Variants in ZNF518A observed in about 807,000 individuals in gnomAD.
ZNF518A encodes the protein zinc finger protein 518A, also known as zinc finger protein 518.
ZNF518A carries 47 observed loss-of-function variants against 102.7 expected under a neutral mutation model. The ratio of observed to expected loss-of-function variants is 0.46; its 90% CI spans 0.36 to 0.58. ZNF518A has a LOEUF of 0.58. Among genes scored for constraint, ZNF518A ranks in the 20% least tolerant of loss-of-function variants. The pLI, the probability that ZNF518A is intolerant of heterozygous loss-of-function variation, is 0.00. For synonymous variants in ZNF518A, 652 were observed against 594.6 expected (o/e 1.10, Z -1.40); for missense variants, 1,793 against 1,699.8 (o/e 1.05, Z -0.96).
intron 3 of ZNF518A, among the ~76,000 whole-genome samples, chr10:96,154,455 CTTCTT>C (rs1436741050): frequency 2.0e-5 from 3 of 147,758 alleles, no homozygotes; most frequent in Admixed American, 6.8e-5. Flanking sequence ...TCCTTCCTGC[CTTCTT>C]TTCTTTTTTT....
At chr10:96,135,416 A>T (rs2142324002) in intron 3 of ZNF518A, 1 of 152,368 alleles carries the variant, frequency 6.6e-6, no homozygotes, top group Non-Finnish European at 1.5e-5. Context: ...TGATGAATAT[A>T]TGGCCCTTAT....
At chr10:96,197,928 A>G (rs1271764903) in intron 1 of ZNF518A, among the ~76,000 whole-genome samples, 3 of 151,130 alleles carry the variant, frequency 2.0e-5, no homozygotes, top group African/African-American at 7.3e-5. Flanking sequence ...AAAAAAAGAA[A>G]GAAAAAGAAA....
downstream of ZNF518A, among the ~76,000 whole-genome samples, chr10:96,167,952 T>A (rs2083151947): frequency 6.6e-6 from 1 of 152,262 alleles, no homozygotes; most frequent in South Asian, 2.1e-4. Flanking sequence ...TGTTTCAGAT[T>A]AATCTCAACT....
rs782466569 is a variant in ZNF518A, at chr10:96,157,999, G to C, written c.1677G>C (p.Leu559Phe). 91 of 1,613,624 alleles carry C rather than the reference G, an allele frequency of 5.6e-5. 1 individual carries two copies. The Admixed American group carries it at 1.4e-3, about 25-fold the overall frequency. ...CTTCTTTGTCAGCAACATCAGAATT[G>C]GTTACAGCATCAGTGAATTTGACCA... ...SVSSLSATSE[L>F]VTASVNLTTK... is the part of the protein sequence containing the mutation. Residue 559 changes from leucine (L) to phenylalanine (F), a missense_variant, in exon 6 of 6, where the codon TTG becomes TTC. Leu to Phe is a conservative substitution (Grantham distance 22). Transcript: ENST00000316045.
At chr10:96,135,496 A>G (rs1221194973) in intron 3 of ZNF518A, among the ~76,000 whole-genome samples, 1 of 152,226 alleles carries the variant, frequency 6.6e-6, no homozygotes, top group Non-Finnish European at 1.5e-5. Context: ...CCTATACCTT[A>G]TAAAGAGTTC....
At chr10:96,176,193 A>T (rs782273092) in intron 1 of ZNF518A, among the ~76,000 whole-genome samples, 14 of 152,032 alleles carry the variant, frequency 9.2e-5, no homozygotes, top group Non-Finnish European at 2.1e-4. Context: ...GGCTTCCCAA[A>T]GCAATGTTAT....
downstream of ZNF518A, among the ~76,000 whole-genome samples, chr10:96,164,754 A>G (rs1456224501): frequency 2.0e-5 from 3 of 152,252 alleles, no homozygotes; most frequent in Non-Finnish European, 2.9e-5. Flanking sequence ...TGAATTTAGG[A>G]GATGCCAAGA....
chr10:96,137,887 C>T (rs1008592351), intron 3 of ZNF518A, among the ~76,000 whole-genome samples: 1 of 152,144 alleles, frequency 6.6e-6, no homozygotes, highest in Non-Finnish European at 1.5e-5. Context: ...GTCAAATAGA[C>T]ATCTCAGATA....
intron 3 of ZNF518A, among the ~76,000 whole-genome samples, chr10:96,145,064 T>TTTGTTGTTGTTGTTG (rs56087328): frequency 0.6 from 90,281 of 150,586 alleles, 28,981 homozygotes; most frequent in Non-Finnish European, 0.71. Context: ...ACATGTATGT[T>TTTGTTGTTGTTGTTG]TTGTTGTTGT....
chr10:96,160,818 A>T lies in ZNF518A; in HGVS notation c.*44A>T. On this transcript the variant is annotated 3_prime_UTR_variant, in exon 6 of 6. Transcript: ENST00000316045. ...GAAAAGAAAAGTAAAATTACCTTAG[A>T]AGAAAACAACGGGTTCAGTTACCAT... The T allele has an allele frequency of 6.8e-7, 1 of 1,472,266 alleles. No homozygotes were observed. The highest frequency in any genetic ancestry group is 9.0e-7 in the Non-Finnish European group (1 of 1,114,008). The allele number at this position is 1,472,266 out of a possible 1,614,324, so 91.2% of individuals were successfully genotyped here.
Position 96,159,286 on chromosome 10 carries a change from A to G in ZNF518A, c.2964A>G (p.Glu988=). ...TAACACTTAATAATGGGAAACTTGA[A>G]GGTGTTTCCGCTGTCAAAACCGAGG... ...MVLTLNNGKL[E]GVSAVKTEGA... Residue 988 remains glutamate (E), a synonymous_variant, in exon 6 of 6, where the codon GAA becomes GAG. Coordinates refer to ENST00000316045, the MANE Select transcript of ZNF518A (RefSeq NM_001330736.2). The G allele has an allele frequency of 6.2e-7, 1 of 1,613,406 alleles. No individual in the cohort carries two copies. The highest frequency in any genetic ancestry group is 1.1e-5 in the South Asian group (1 of 90,926).
chr10:96,160,379 C>T lies in ZNF518A; in HGVS notation c.4057C>T (p.Pro1353Ser), dbSNP rs1303477277. The T allele has an allele frequency of 6.2e-7, 1 of 1,613,314 alleles. No homozygotes were observed. Residue 1353 changes from proline to serine, a missense_variant, in exon 6 of 6, where the codon CCT (proline) becomes TCT (serine). By Grantham distance (74) the Pro-to-Ser change is moderately conservative (BLOSUM62 -1). Around this residue, in one of 3 missense-constraint regions of ZNF518A, gnomAD observed 1,741 missense variants for 1,622.6 expected, o/e 1.07. Transcript: ENST00000316045. Reference sequence around the variant, plus strand: ...CCAACCAGTTGTAGTTTTGAATCATCCTGACGCAGATGCACCAGAAGTAGT... The same window carrying T: ...CCAACCAGTTGTAGTTTTGAATCATTCTGACGCAGATGCACCAGAAGTAGT... The part of the protein sequence containing the change: ...RNQPVVVLNH[P>S]DADAPEVVSV...
chr10:96,150,925 G>A (rs189124931), intron 3 of ZNF518A, among the ~76,000 whole-genome samples: 1 of 151,172 alleles, frequency 6.6e-6, no homozygotes, highest in Non-Finnish European at 1.5e-5. Flanking sequence ...ACTAATTTTT[G>A]TATTTTTAGT....
Position 96,179,846 on chromosome 10 carries a change from C to CTTT in ZNF518A, n.36-23726_36-23725insTTT, listed in dbSNP as rs781865591. Among the ~76,000 whole-genome samples the CTTT allele has an allele frequency of 3.4e-5, 5 of 149,196 alleles. No homozygotes were observed. In the East Asian group the frequency reaches 9.9e-4, roughly 30 times the overall value. ...TCTCCTTCTCCTCCTCCTCATCCTT[C>CTTT]TTCTTTTCTTCTTTTTTTCTTCTTC... On this transcript the variant is annotated intron_variant and non_coding_transcript_variant, in intron 1 of 2. Transcript: ENST00000442635.
intron 1 of ZNF518A, among the ~76,000 whole-genome samples, chr10:96,194,331 G>GT (rs1286507263): frequency 6.6e-6 from 1 of 152,162 alleles, no homozygotes; most frequent in Non-Finnish European, 1.5e-5. Flanking sequence ...AGATTCAAGA[G>GT]TTTTGCATTT....
In ZNF518A at chr10:96,162,714, A is replaced by T. The variant is rs2083045216; in HGVS notation, c.*1940A>T. On this transcript the variant is annotated 3_prime_UTR_variant, in exon 6 of 6. Transcript: ENST00000316045. ...TTTCTGTAATGAACATTTTCAATTA[A>T]ATTTATCTTGTTTGTGTTTACACAA... is the stretch of plus-strand genomic sequence containing the variant. The T allele has an allele frequency of 6.0e-6, 1 of 166,212 alleles. No homozygotes were observed. The highest frequency in any genetic ancestry group is 2.1e-4 in the South Asian group (1 of 4,826). The allele number at this position is 166,212 out of a possible 1,614,324, so 10.3% of individuals were successfully genotyped here.
At chr10:96,175,822 C>T (rs1412025716) in intron 1 of ZNF518A, among the ~76,000 whole-genome samples, 2 of 152,128 alleles carry the variant, frequency 1.3e-5, no homozygotes, top group Non-Finnish European at 2.9e-5. Context: ...GGCTGTCAAC[C>T]TAATTGCACT....
rs782687627 is a variant in ZNF518A at position 96,159,482 on chromosome 10, A to G, written c.3160A>G (p.Lys1054Glu). 1.2e-6 allele frequency: 2 copies of G among 1,613,814 alleles called. No homozygotes were observed. Among genetic ancestry groups the G allele is most frequent in the South Asian group, 2.2e-5 (2 of 91,074 alleles). Reference sequence around the variant, plus strand: ...GCCATTAAAAGGCCCTTACATTTTGAAACCAACGAGTTCTGTGAAAGCTGT... The same window carrying G: ...GCCATTAAAAGGCCCTTACATTTTGGAACCAACGAGTTCTGTGAAAGCTGT... ...TLPLKGPYIL[K>E]PTSSVKAVLI... Residue 1054 changes from lysine (K) to glutamate (E), a missense_variant, in exon 6 of 6, where the codon AAA becomes GAA. Physicochemically the swap from Lys to Glu is moderately conservative, Grantham distance 56. This residue lies in a region of ZNF518A where 1,741 missense variants were observed against 1,622.6 expected (regional missense o/e 1.07). Transcript: ENST00000316045.
chr10:96,152,380 G>A (rs587620611), intron 3 of ZNF518A, among the ~76,000 whole-genome samples: 16 of 152,272 alleles, frequency 1.1e-4, no homozygotes, highest in Non-Finnish European at 2.1e-4. Context: ...AAGAGCATTA[G>A]CTCATAGGTT....
Sources: allele counts gnomAD v4.1 joint callset (sites outside exome capture counted in the v4.1 genomes callset), GRCh38; gene constraint gnomAD v4.1.1; regional missense constraint gnomAD v4.1.1; transcripts MANE v1.5; gene names NCBI Gene and HGNC (gene_info 2026-07-23, HGNC 2026-07-21).